Variants in LRRC9 observed in about 807,000 individuals in gnomAD.
LRRC9 encodes leucine-rich repeat-containing protein 9.
Under a neutral mutation model 63.2 loss-of-function variants are expected in LRRC9, and 122 were observed. The ratio of observed to expected loss-of-function variants is 1.93; its 90% CI spans 1.67 to 2.24. The LOEUF is 2.24. LRRC9 is among the 30% of genes most tolerant of loss of function. The pLI is 0.00. For missense variants in LRRC9, 1,071 were observed against 627.7 expected (o/e 1.71, Z -7.55); for synonymous variants, 366 against 213.1 (o/e 1.72, Z -6.25).
At position 59,992,065 on chromosome 14, in the gene LRRC9, T is replaced by G. The variant is rs374329477; in HGVS notation, c.2212-5591T>G. ...AGCCTAACTGGGAGGCACCCCCCAG[T>G]AAGGGCAGACTGACACCTCACATGG... On this transcript the variant is annotated intron_variant, in intron 17 of 31. Transcript: ENST00000445360. Among the ~76,000 whole-genome samples the G allele has an allele frequency of 6.6e-5, 10 of 152,004 alleles. No individual in the cohort carries two copies. In the South Asian group the frequency reaches 1.5e-3, roughly 22 times the overall value.
exon 13 of LRRC9, chr14:59,974,616 T>G (rs904966580): frequency 1.5e-6 from 1 of 681,412 alleles, no homozygotes; most frequent in South Asian, 1.6e-5. Context: ...TCTAACAGTC[T>G]AAGTATAAGT....
chr14:59,998,988 A>G (rs1361070051), intron 18 of LRRC9, 113 bp from the exon 19 acceptor site: 10 of 495,676 alleles, frequency 2.0e-5, no homozygotes, highest in Non-Finnish European at 3.6e-5. Flanking sequence ...GGTATATGTA[A>G]TGAACAAGGA....
chr14:60,004,343 T>C lies in LRRC9; in HGVS notation c.2842+545T>C, dbSNP rs1219744200. Among the ~76,000 whole-genome samples the C allele has an allele frequency of 5.9e-5, 9 of 152,118 alleles. No individual in the cohort carries two copies. The highest frequency in any genetic ancestry group is 8.8e-5 in the Non-Finnish European group (6 of 68,002). On this transcript the variant is annotated intron_variant, in intron 21 of 31. Coordinates refer to ENST00000445360, the Ensembl canonical transcript of LRRC9. This position sits in a 1 kb window ranked among gnomAD's most constrained non-coding sequence, Gnocchi z 4.8. ...TAAAATTGAGGTTATATTTGGAAAT[T>C]TGAATACTTTAACAAGAAATGAAAA...
intron 23 of LRRC9, among the ~76,000 whole-genome samples, chr14:60,010,984 C>G (rs1890215290): frequency 6.6e-6 from 1 of 152,194 alleles, no homozygotes; most frequent in Non-Finnish European, 1.5e-5. Context: ...CCAAACTGTT[C>G]CAACCTCTGC....
intron 29 of LRRC9, among the ~76,000 whole-genome samples, chr14:60,037,123 C>T (rs965360957): frequency 3.3e-5 from 5 of 152,166 alleles, no homozygotes; most frequent in Non-Finnish European, 5.9e-5. Context: ...GCATAGTATT[C>T]CATGGTGTAT....
intron 13 of LRRC9, among the ~76,000 whole-genome samples, chr14:59,975,782 T>C (rs1453142850): frequency 1.3e-5 from 2 of 152,186 alleles, no homozygotes; most frequent in African/African-American, 2.4e-5. Context: ...ATATGGAGAA[T>C]AGATCAGGTC....
chr14:59,974,859 G>A (rs1397676014), intron 13 of LRRC9, among the ~76,000 whole-genome samples, 151 bp downstream of exon 13: 1 of 151,318 alleles, frequency 6.6e-6, no homozygotes, highest in Admixed American at 6.6e-5. Context: ...AGTAATACAT[G>A]ACTTTCTCAT....
intron 7 of LRRC9, among the ~76,000 whole-genome samples, chr14:59,939,093 A>G (rs1881466378): frequency 1.9e-5 from 1 of 52,620 alleles, no homozygotes. Context: ...ACATATATAC[A>G]TATATATACA....
At position 60,051,903 on chromosome 14, in the gene LRRC9, C is replaced by A. The variant is rs924074279; in HGVS notation, c.3991-1162C>A. Among the ~76,000 whole-genome samples the A allele has an allele frequency of 1.3e-5, 2 of 152,160 alleles. No individual in the cohort carries two copies. The highest frequency in any genetic ancestry group is 4.8e-5 in the African/African-American group (2 of 41,436). ...TTCCTGGGCACGATAGCACACTCAC[C>A]GCTTCCCTTGGCTGGGGATGGGGGT... On this transcript the variant is annotated intron_variant, in intron 29 of 31. Coordinates refer to ENST00000445360, the Ensembl canonical transcript of LRRC9. This position sits in a 1 kb window ranked among gnomAD's most constrained non-coding sequence, Gnocchi z 4.7.
chr14:60,034,555 G>A (rs1196521282), intron 29 of LRRC9, among the ~76,000 whole-genome samples: 2 of 152,008 alleles, frequency 1.3e-5, no homozygotes, highest in African/African-American at 2.4e-5. Context: ...GTCTTCATGA[G>A]ATCCACTTTT....
intron 10 of LRRC9, among the ~76,000 whole-genome samples, chr14:59,961,703 C>T (rs1884368314): frequency 6.6e-6 from 1 of 152,042 alleles, no homozygotes; most frequent in Non-Finnish European, 1.5e-5. Context: ...AGAACCAAGG[C>T]CTACTAGTAG....
rs565908590 is a variant in LRRC9, at chr14:60,044,881, G to A, written c.3991-8184G>A. ...ATGATCTGTTCATGACTGCGAATGG[G>A]ATATTAAAGTCCACTACTATTATTG... is the stretch of plus-strand genomic sequence containing the variant. On this transcript the variant is annotated intron_variant, in intron 29 of 31. Transcript: ENST00000445360. Among the ~76,000 whole-genome samples, 12 of 152,210 alleles carry A rather than the reference G, an allele frequency of 7.9e-5. No homozygotes were observed. In the South Asian group the frequency reaches 2.1e-3, roughly 26 times the overall value.
At chr14:60,036,359 T>A (rs1027074409) in intron 29 of LRRC9, among the ~76,000 whole-genome samples, 2 of 152,180 alleles carry the variant, frequency 1.3e-5, no homozygotes, top group African/African-American at 4.8e-5. Flanking sequence ...TCAGCCAGGA[T>A]CATGCATTGC....
At chr14:59,924,722 A>G (rs772523597) in intron 1 of LRRC9, among the ~76,000 whole-genome samples, 4 of 152,138 alleles carry the variant, frequency 2.6e-5, no homozygotes, top group Non-Finnish European at 5.9e-5. Flanking sequence ...TCATCTTACC[A>G]TAATAAAATA....
At position 60,031,671 on chromosome 14, in the gene LRRC9, G is replaced by C. The variant is rs1368859105; in HGVS notation, c.3922-324G>C. Among the ~76,000 whole-genome samples the C allele has an allele frequency of 6.6e-6, 1 of 151,922 alleles. No homozygotes were observed. Among genetic ancestry groups the C allele is most frequent in the Non-Finnish European group, 1.5e-5 (1 of 67,954 alleles). On this transcript the variant is annotated intron_variant, in intron 28 of 31. Transcript: ENST00000445360. The surrounding 1 kb of genome is among the most constrained non-coding windows in gnomAD (Gnocchi z 4.6). ...CTTTTCCATACTTTCTGGTCAATGT[G>C]CTGGAGGAATTAACCAAATATAATA...
At chr14:59,933,750 G>T (rs1353059479) in intron 6 of LRRC9, among the ~76,000 whole-genome samples, 1 of 152,140 alleles carries the variant, frequency 6.6e-6, no homozygotes, top group African/African-American at 2.4e-5. Context: ...ACAAGCATTG[G>T]TGGGAGGATC....
At chr14:60,007,883 T>C (rs1370238919) in intron 22 of LRRC9, among the ~76,000 whole-genome samples, 1 of 143,818 alleles carries the variant, frequency 7.0e-6, no homozygotes, top group East Asian at 2.1e-4. Flanking sequence ...GAGGCTGCAA[T>C]GAGCTATGAT....
At chr14:59,940,661 GT>G (rs1413671291) in intron 7 of LRRC9, among the ~76,000 whole-genome samples, 1 of 151,834 alleles carries the variant, frequency 6.6e-6, no homozygotes, top group African/African-American at 2.4e-5. Flanking sequence ...GTACAGGGTT[GT>G]TTTGGGGGAG....
chr14:59,938,593 G>T lies in LRRC9; in HGVS notation c.726+21G>T, dbSNP rs139739818. 2.8e-3 allele frequency: 1,826 copies of T among 656,998 alleles called. 36 individuals carry two copies. In the Admixed American group the frequency reaches 0.035, roughly 13 times the overall value. The allele number at this position is 656,998 out of a possible 1,614,324, so 40.7% of individuals were successfully genotyped here. A position where few individuals can be genotyped will look rare whatever the true frequency, so the allele number is the denominator to read the frequency against. On this transcript the variant is annotated intron_variant, in intron 7 of 31. Transcript: ENST00000445360. This position sits in a 1 kb window ranked among gnomAD's most constrained non-coding sequence, Gnocchi z 4.2. ...CAGATGTAAGTACATCCCTAATCAG[G>T]CATCTGTGATTTCAGTTTTATTAGT...
Sources: allele counts gnomAD v4.1 joint callset (sites outside exome capture counted in the v4.1 genomes callset), GRCh38; gene constraint gnomAD v4.1.1; non-coding constraint Gnocchi (gnomAD v3.1); transcripts MANE v1.5; gene names NCBI Gene and HGNC (gene_info 2026-07-23, HGNC 2026-07-21).